Variants in HTT observed in about 807,000 individuals in gnomAD.
The protein encoded by HTT is huntingtin.
In HTT, 104 loss-of-function variants were observed where a neutral mutation model predicts 362.3. The observed-to-expected ratio is 0.29, with a 90% CI of 0.24 to 0.34. The LOEUF (loss-of-function observed/expected upper bound fraction) is 0.34. Among genes scored for constraint, HTT ranks in the 10% least tolerant of loss-of-function variants. The pLI is 1.00. For synonymous variants in HTT, 1,577 were observed against 1,548.7 expected (o/e 1.02, Z -0.43); for missense variants, 3,301 against 3,928.6 (o/e 0.84, Z 4.27).
At chr4:3,216,458 C>G (rs1365272500) in intron 51 of HTT, among the ~76,000 whole-genome samples, 2 of 152,350 alleles carry the variant, frequency 1.3e-5, no homozygotes, top group Middle Eastern at 3.4e-3. Flanking sequence ...TGAAATCAAT[C>G]AGTTAATCCC....
At chr4:3,237,160 G>A (rs916448439) in intron 64 of HTT, among the ~76,000 whole-genome samples, 2 of 147,968 alleles carry the variant, frequency 1.4e-5, no homozygotes, top group Admixed American at 1.3e-4. Context: ...TGCAACCTCC[G>A]CCTCCCGGGT....
At chr4:3,195,110 G>A (rs1202768976) in intron 40 of HTT, among the ~76,000 whole-genome samples, 3 of 151,994 alleles carry the variant, frequency 2.0e-5, no homozygotes, top group Admixed American at 6.6e-5. Flanking sequence ...GAGTGTAGCC[G>A]CTGCCACTTT....
At chr4:3,231,072 G>A (rs1025630400) in intron 60 of HTT, among the ~76,000 whole-genome samples, 3 of 152,178 alleles carry the variant, frequency 2.0e-5, no homozygotes, top group African/African-American at 7.2e-5. Flanking sequence ...CGTGGGTCCC[G>A]ACATCTGGCG....
At position 3,235,690 on chromosome 4, in the gene HTT, G is replaced by A. The variant is rs1295175629; in HGVS notation, c.8697G>A (p.Leu2899=). 1 of 1,613,466 alleles carries A rather than the reference G, an allele frequency of 6.2e-7. No individual in the cohort carries two copies. Among genetic ancestry groups the A allele is most frequent in the Non-Finnish European group, 8.5e-7 (1 of 1,180,034 alleles). The change falls in exon 63 of 67, where the codon CTG becomes CTA. Residue 2899 remains leucine (L), a synonymous_variant. Coordinates refer to ENST00000355072, the MANE Select transcript of HTT (RefSeq NM_001388492.1). ...TCTCCCGCCTGGATGCAGAATCGCT[G>A]GTCAAGCTGAGTGTGGACAGAGTGA... The part of the protein sequence containing the change: ...EQLSRLDAES[L]VKLSVDRVNV...
At chr4:3,173,523 T>G (rs1718087786) in intron 31 of HTT, among the ~76,000 whole-genome samples, 1 of 152,204 alleles carries the variant, frequency 6.6e-6, no homozygotes, top group African/African-American at 2.4e-5. Context: ...GTGGCACTTT[T>G]CAGGCCTGTA....
intron 57 of HTT, among the ~76,000 whole-genome samples, chr4:3,226,452 C>T (rs1223429945): frequency 6.6e-6 from 1 of 152,150 alleles, no homozygotes; most frequent in African/African-American, 2.4e-5. Flanking sequence ...GCCTGGGCAA[C>T]AGACCAGTAC....
At position 3,239,760 on chromosome 4, in the gene HTT, CTG is replaced by C; in HGVS notation, c.9216-84_9216-83del. 2.7e-6 allele frequency: 3 copies of C among 1,118,050 alleles called. No homozygotes were observed. The South Asian group carries it at 4.2e-5, about 16-fold the overall frequency. The allele number at this position is 1,118,050 out of a possible 1,614,324, so 69.3% of individuals were successfully genotyped here. On this transcript the variant is annotated intron_variant, in intron 66 of 66. Transcript: ENST00000355072. Reference sequence around the variant, plus strand: ...CAGGCTCCCTGGACCCCTTTGTAGACTGTTTCAGGAGAGGAACTCCCAGGTGA... The same window carrying C: ...CAGGCTCCCTGGACCCCTTTGTAGACTTTCAGGAGAGGAACTCCCAGGTGA...
In HTT at chr4:3,078,229, A is replaced by G. The variant is rs191333355; in HGVS notation, c.263+3141A>G. Among the ~76,000 whole-genome samples the G allele has an allele frequency of 2.0e-3, 307 of 152,314 alleles. 2 individuals carry two copies. Among genetic ancestry groups the G allele is most frequent in the African/African-American group, 6.9e-3 (288 of 41,566 alleles). The stretch of plus-strand genomic sequence containing the variant: ...ATCTGGTGTTTCCCTGACTTTATTC[A>G]TTCATCAGTAAATATTTACTAAACA... On this transcript the variant is annotated intron_variant, in intron 1 of 66. Transcript: ENST00000355072.
chr4:3,123,753 C>T (rs1201595850), intron 10 of HTT, among the ~76,000 whole-genome samples: 1 of 152,128 alleles, frequency 6.6e-6, no homozygotes, highest in East Asian at 1.9e-4. Context: ...ATTTTTCAGC[C>T]ATATTTAACT....
At position 3,215,163 on chromosome 4, in the gene HTT, C is replaced by T; in HGVS notation, c.7006C>T (p.Pro2336Ser). 1.2e-6 allele frequency: 2 copies of T among 1,614,096 alleles called. No homozygotes were observed. Among genetic ancestry groups the T allele is most frequent in the Middle Eastern group, 1.6e-4 (1 of 6,062 alleles). The change falls in exon 51 of 67, where the codon CCA becomes TCA. Residue 2336 changes from proline to serine, a missense_variant. Coordinates refer to ENST00000355072, the MANE Select transcript of HTT (RefSeq NM_001388492.1). ...LLSPERRTNT[P>S]KAISEEEEEV... is the part of the protein sequence containing the mutation. Reference sequence around the variant, plus strand: ...TAGTCCAGAAAGAAGGACAAATACCCCAAAAGCCATCAGCGAGGAGGAGGA... The same window carrying T: ...TAGTCCAGAAAGAAGGACAAATACCTCAAAAGCCATCAGCGAGGAGGAGGA...
At chr4:3,229,826 C>G in intron 59 of HTT, 61 bp from the exon 60 acceptor site, 2 of 1,556,940 alleles carry the variant, frequency 1.3e-6, no homozygotes, top group South Asian at 2.3e-5. Flanking sequence ...GTTCTGGATG[C>G]GTTGCCTGGA....
At chr4:3,214,813 A>AGTAAT (rs2110278999) in intron 50 of HTT, among the ~76,000 whole-genome samples, 1 of 138,960 alleles carries the variant, frequency 7.2e-6, no homozygotes, top group African/African-American at 3.2e-5. Flanking sequence ...TGATTTTGAT[A>AGTAAT]GTATCTTGAG....
Position 3,154,417 on chromosome 4 carries a change from C to T in HTT, c.3623C>T (p.Ala1208Val). The stretch of plus-strand genomic sequence containing the variant: ...CCCAAGAAAGGCAGTGAGGCCAGTG[C>T]AGGTAGGAAACAGCGTGGGGAAGGG... ...LSPKKGSEASAASRQSDTSGP... is the reference protein window; with the variant it reads ...LSPKKGSEASVASRQSDTSGP... The change falls in exon 27 of 67, where the codon GCA (alanine) becomes GTA (valine). Residue 1208 changes from alanine (A) to valine (V), a missense_variant and splice_region_variant. This residue lies in a region of HTT where 2,316 missense variants were observed against 2,658.5 expected (regional missense o/e 0.87). Coordinates refer to ENST00000355072, the MANE Select transcript of HTT (RefSeq NM_001388492.1). 1 of 1,613,688 alleles carries T rather than the reference C, an allele frequency of 6.2e-7. No individual in the cohort carries two copies. Among genetic ancestry groups the T allele is most frequent in the South Asian group, 1.1e-5 (1 of 90,930 alleles).
intron 46 of HTT, 127 bp from the exon 47 acceptor site, chr4:3,209,700 C>A: frequency 2.6e-6 from 3 of 1,146,054 alleles, no homozygotes; most frequent in Non-Finnish European, 3.7e-6. Flanking sequence ...CCACAGCCTG[C>A]CGGCCGGCAG....
intron 63 of HTT, among the ~76,000 whole-genome samples, 153 bp downstream of exon 63, chr4:3,235,931 T>C (rs1280681523): frequency 1.3e-5 from 2 of 152,226 alleles, no homozygotes; most frequent in African/African-American, 4.8e-5. Context: ...AGAAAGGCTC[T>C]GGAGCCCCCA....
chr4:3,154,415 T>C lies in HTT; in HGVS notation c.3621T>C (p.Ser1207=). Reference sequence around the variant, plus strand: ...GTCCCAAGAAAGGCAGTGAGGCCAGTGCAGGTAGGAAACAGCGTGGGGAAG... The same window carrying C: ...GTCCCAAGAAAGGCAGTGAGGCCAGCGCAGGTAGGAAACAGCGTGGGGAAG... ...PLSPKKGSEA[S]AASRQSDTSG... The change falls in exon 27 of 67, where the codon AGT becomes AGC. Residue 1207 remains serine (S), a synonymous_variant. Coordinates refer to ENST00000355072, the MANE Select transcript of HTT (RefSeq NM_001388492.1). 3 of 1,613,924 alleles carry C rather than the reference T, an allele frequency of 1.9e-6. No individual in the cohort carries two copies. The highest frequency in any genetic ancestry group is 8.5e-7 in the Non-Finnish European group (1 of 1,179,948).
In HTT at chr4:3,236,199, C is replaced by T; in HGVS notation, c.8836C>T (p.Pro2946Ser). ...AACTTCAGACCCTAATCCTGCAGCC[C>T]CCGACAGCGAGTCAGTGATTGTTGC... ...GRTSDPNPAA[P>S]DSESVIVAME... is the part of the protein sequence containing the mutation. Residue 2946 changes from proline to serine, a missense_variant, in exon 64 of 67, where the codon CCC becomes TCC. Pro to Ser is a moderately conservative substitution (Grantham distance 74, BLOSUM62 -1). Around this residue, in one of 4 missense-constraint regions of HTT, gnomAD observed 753 missense variants for 1,021.3 expected, o/e 0.74. Coordinates refer to ENST00000355072, the MANE Select transcript of HTT (RefSeq NM_001388492.1). 6.2e-7 allele frequency: 1 copy of T among 1,614,172 alleles called. No homozygotes were observed. Among genetic ancestry groups the T allele is most frequent in the Non-Finnish European group, 8.5e-7 (1 of 1,179,988 alleles).
chr4:3,097,976 A>T (rs1446910174), intron 2 of HTT, among the ~76,000 whole-genome samples: 1 of 152,254 alleles, frequency 6.6e-6, no homozygotes, highest in Non-Finnish European at 1.5e-5. Context: ...ATATATCTTA[A>T]TTATTTCTTC....
rs749526137 is a variant in HTT at position 3,129,974 on chromosome 4, C to T, written c.1794C>T (p.Pro598=). The T allele has an allele frequency of 6.2e-7, 1 of 1,613,948 alleles. No individual in the cohort carries two copies. Among genetic ancestry groups the T allele is most frequent in the South Asian group, 1.1e-5 (1 of 91,060 alleles). ...NQYLGLQIGQ[P]QDEDEEATGI... ...ATTTGGGCCTGCAGATTGGACAGCC[C>T]CAGGATGAAGATGAGGAAGCCACAG... The change falls in exon 13 of 67, where the codon CCC becomes CCT. Residue 598 remains proline (P), a synonymous_variant. Transcript: ENST00000355072.
Sources: allele counts gnomAD v4.1 joint callset (sites outside exome capture counted in the v4.1 genomes callset), GRCh38; gene constraint gnomAD v4.1.1; regional missense constraint gnomAD v4.1.1; transcripts MANE v1.5; gene names NCBI Gene and HGNC (gene_info 2026-07-23, HGNC 2026-07-21).